LRRC37A2: variants seen among roughly 807,000 people sequenced by gnomAD.
The protein encoded by LRRC37A2 is leucine-rich repeat-containing protein 37A2.
Under a neutral mutation model 68.8 loss-of-function variants are expected in LRRC37A2, and 9 were observed. That is an observed-to-expected ratio of 0.13 (90% CI 0.08 to 0.23). The LOEUF (loss-of-function observed/expected upper bound fraction) is 0.23, where lower values mean the gene tolerates loss of function less well. Ranked by LOEUF, LRRC37A2 falls within the 10% of genes least tolerant of loss-of-function variation. LRRC37A2 has a pLI of 1.00. For missense variants in LRRC37A2, 168 were observed against 950.4 expected, an observed-to-expected ratio of 0.18 and a Z score of 10.82; for synonymous variants, 63 against 367.6, an observed-to-expected ratio of 0.17 and a Z score of 9.48.
chr17:46,964,336 C>G, the LRRC37A2 span: 1 of 152,294 alleles, frequency 6.6e-6, no homozygotes, highest in African/African-American at 2.4e-5. Context: ...TTTGAAATCT[C>G]TCTCCAGCTG....
At chr17:46,823,123 ATATATTATATATAT>A in the LRRC37A2 span, among the ~76,000 whole-genome samples, 40 of 133,760 alleles carry the variant, frequency 3.0e-4, no homozygotes, top group East Asian at 1.0e-3. Flanking sequence ...ATTATATATT[ATATATTATATATAT>A]TATATTATAT....
chr17:47,043,840 A>G, the LRRC37A2 span, among the ~76,000 whole-genome samples: 1 of 133,348 alleles, frequency 7.5e-6, no homozygotes. Context: ...AGGAGTTCAA[A>G]ACCAGCCTGG....
chr17:46,818,979 G>T, the LRRC37A2 span, among the ~76,000 whole-genome samples: 7 of 152,158 alleles, frequency 4.6e-5, no homozygotes, highest in Admixed American at 1.3e-4. Context: ...CTACCGCCGC[G>T]GTCCCCCGCT....
chr17:46,492,257 G>A, the LRRC37A2 span, among the ~76,000 whole-genome samples: 3 of 151,188 alleles, frequency 2.0e-5, no homozygotes, highest in African/African-American at 7.4e-5. Flanking sequence ...GAGCCATCGC[G>A]CCCGGCCCGT....
At chr17:46,982,782 C>T in the LRRC37A2 span, among the ~76,000 whole-genome samples, 1 of 152,142 alleles carries the variant, frequency 6.6e-6, no homozygotes, top group African/African-American at 2.4e-5. Flanking sequence ...AAAGACCACT[C>T]AAATGAGAGC....
the LRRC37A2 span, among the ~76,000 whole-genome samples, chr17:46,472,923 A>AATAT: frequency 1.8e-3 from 113 of 64,182 alleles, 3 homozygotes; most frequent in African/African-American, 3.5e-3. Flanking sequence ...TCAAAAAAAA[A>AATAT]ATATATATAT....
the LRRC37A2 span, among the ~76,000 whole-genome samples, chr17:46,901,464 C>A: frequency 6.6e-6 from 1 of 152,074 alleles, no homozygotes; most frequent in African/African-American, 2.4e-5. Flanking sequence ...CCCAGCCCAG[C>A]ACGTTTAAAG....
At chr17:46,921,748 G>A in the LRRC37A2 span, among the ~76,000 whole-genome samples, 1 of 152,148 alleles carries the variant, frequency 6.6e-6, no homozygotes, top group African/African-American at 2.4e-5. Flanking sequence ...ATCATCACTG[G>A]CCATCAGAGA....
chr17:46,866,330 A>G, the LRRC37A2 span, among the ~76,000 whole-genome samples: 1 of 152,106 alleles, frequency 6.6e-6, no homozygotes, highest in African/African-American at 2.4e-5. Flanking sequence ...CGGAGAGCAC[A>G]GGAGGGGCTA....
the LRRC37A2 span, among the ~76,000 whole-genome samples, chr17:46,950,648 G>A: frequency 6.6e-6 from 1 of 152,116 alleles, no homozygotes; most frequent in Non-Finnish European, 1.5e-5. Flanking sequence ...GAGCAGCAAG[G>A]GCTGACAGGA....
chr17:46,957,236 TG>T, the LRRC37A2 span, among the ~76,000 whole-genome samples: 1 of 151,022 alleles, frequency 6.6e-6, no homozygotes, highest in African/African-American at 2.4e-5. Flanking sequence ...GCCCAGGAGG[TG>T]GAGGTTGCAG....
chr17:46,717,730 T>A, the LRRC37A2 span, among the ~76,000 whole-genome samples: 1 of 151,806 alleles, frequency 6.6e-6, no homozygotes, highest in African/African-American at 2.4e-5. Context: ...AATAAAATAA[T>A]GTGTCGTTCG....
the LRRC37A2 span, among the ~76,000 whole-genome samples, chr17:46,786,873 G>A: frequency 6.6e-6 from 1 of 152,052 alleles, no homozygotes; most frequent in Non-Finnish European, 1.5e-5. Context: ...GTGGGCCCAG[G>A]TGTCTCTGGG....
the LRRC37A2 span, among the ~76,000 whole-genome samples, chr17:46,575,285 G>A: frequency 8.8e-4 from 114 of 130,118 alleles, no homozygotes; most frequent in African/African-American, 3.1e-3. Context: ...TTAACAAGCC[G>A]GTAAAACACA....
the LRRC37A2 span, among the ~76,000 whole-genome samples, chr17:47,036,517 T>C: frequency 2.6e-5 from 4 of 152,328 alleles, no homozygotes; most frequent in East Asian, 1.9e-4. Context: ...TTCTTATAAT[T>C]GTGTGAGATG....
the LRRC37A2 span, chr17:46,936,314 A>G: frequency 6.1e-6 from 6 of 985,278 alleles, no homozygotes; most frequent in African/African-American, 1.0e-4. Context: ...ATGAAGAGCC[A>G]GTGGGGGTTA....
chr17:46,888,313 C>T, the LRRC37A2 span, among the ~76,000 whole-genome samples: 1 of 152,122 alleles, frequency 6.6e-6, no homozygotes, highest in Non-Finnish European at 1.5e-5. Context: ...TAAACACCAA[C>T]GTTGCAGGGT....
chr17:47,003,624 C>A, the LRRC37A2 span, among the ~76,000 whole-genome samples: 2 of 152,200 alleles, frequency 1.3e-5, no homozygotes, highest in Admixed American at 6.5e-5. Context: ...GTAGCATGTT[C>A]TTTTTTTAAT....
the LRRC37A2 span, chr17:46,876,585 T>A: frequency 6.2e-7 from 1 of 1,613,490 alleles, no homozygotes; most frequent in African/African-American, 1.3e-5. Flanking sequence ...TGCAGCAGCC[T>A]GTGCTGCGGG....
Sources: allele counts gnomAD v4.1 joint callset (sites outside exome capture counted in the v4.1 genomes callset), GRCh38; gene constraint gnomAD v4.1.1; transcripts MANE v1.5; gene names NCBI Gene and HGNC (gene_info 2026-07-23, HGNC 2026-07-21).